Variants in NAP1L4 observed in about 807,000 individuals in gnomAD.
NAP1L4 encodes the protein nucleosome assembly protein 1-like 4.
In NAP1L4, 15 loss-of-function variants were observed where a neutral mutation model predicts 58.2. The ratio of observed to expected loss-of-function variants is 0.26; its 90% CI spans 0.17 to 0.40. The LOEUF is 0.40. Ranked by LOEUF, NAP1L4 falls within the 10% of genes least tolerant of loss-of-function variation. NAP1L4 has a pLI of 1.00. For missense variants in NAP1L4, 384 were observed against 451.1 expected, an observed-to-expected ratio of 0.85 and a Z score of 1.35; for synonymous variants, 171 against 155.6, an observed-to-expected ratio of 1.10 and a Z score of -0.74.
Position 2,980,333 on chromosome 11 carries a change from G to A in NAP1L4, c.-17-1096C>T, listed in dbSNP as rs571573094. ...CTCCTGAGTAGCTGGGACAACAGGC[G>A]CAGGCCACCATGCCCAGCTAATTTT... On this transcript the variant is annotated intron_variant, in intron 1 of 15. Transcript: ENST00000380542. Among the ~76,000 whole-genome samples, 7 of 152,216 alleles carry A rather than the reference G, an allele frequency of 4.6e-5. No homozygotes were observed. The South Asian group carries it at 8.3e-4, about 18-fold the overall frequency.
Position 2,951,166 on chromosome 11 carries a change from T to C in NAP1L4, c.1122+93A>G. ...CTTTCTAATTAGGGAATAATGAATA[T>C]TGTTAACACTACTGCCTCAAAGTGG... On this transcript the variant is annotated intron_variant, in intron 14 of 15. Transcript: ENST00000380542. The surrounding 1 kb of genome is among the most constrained non-coding windows in gnomAD (Gnocchi z 4.0). 2 of 941,906 alleles carry C rather than the reference T, an allele frequency of 2.1e-6. No homozygotes were observed. Among genetic ancestry groups the C allele is most frequent in the Non-Finnish European group, 1.7e-6 (1 of 591,380 alleles). 58.3% of individuals were successfully genotyped at this position (941,906 alleles called of 1,614,324 possible).
At chr11:2,977,866 TAAAAAA>T (rs34636304) in intron 3 of NAP1L4, among the ~76,000 whole-genome samples, 4 of 138,376 alleles carry the variant, frequency 2.9e-5, no homozygotes, top group Non-Finnish European at 6.2e-5. Flanking sequence ...GGTATAGACT[TAAAAAA>T]AAAAAAAAAA....
intron 4 of NAP1L4, among the ~76,000 whole-genome samples, chr11:2,974,106 T>G (rs1847812089): frequency 6.6e-6 from 1 of 152,226 alleles, no homozygotes; most frequent in Non-Finnish European, 1.5e-5. Context: ...TTTGAAGCTT[T>G]CCAACTGAAG....
intron 8 of NAP1L4, among the ~76,000 whole-genome samples, chr11:2,960,787 T>C (rs985841936): frequency 1.3e-5 from 2 of 152,218 alleles, no homozygotes; most frequent in African/African-American, 4.8e-5. Context: ...CCTGGATGGA[T>C]GCATCGATAT....
rs933260316 is a variant in NAP1L4 at position 2,949,084 on chromosome 11, T to C, written c.*32+143A>G. 8.0e-6 allele frequency: 5 copies of C among 625,530 alleles called. No individual in the cohort carries two copies. The highest frequency in any genetic ancestry group is 3.7e-5 in the African/African-American group (2 of 54,206). 38.7% of individuals were successfully genotyped at this position (625,530 alleles called of 1,614,324 possible). A position where few individuals can be genotyped will look rare whatever the true frequency, so the allele number is the denominator to read the frequency against. ...TTGGTTCGTTGATTTTAAAAGTACA[T>C]GTAACAGACACCTATGTCAAACCTG... On this transcript the variant is annotated intron_variant, in intron 15 of 15. Coordinates refer to ENST00000380542, the MANE Select transcript of NAP1L4 (RefSeq NM_005969.4). The surrounding 1 kb of genome is among the most constrained non-coding windows in gnomAD (Gnocchi z 4.0).
At position 2,955,974 on chromosome 11, in the gene NAP1L4, G is replaced by GC. The variant is rs561394451; in HGVS notation, c.893-209dup. On this transcript the variant is annotated intron_variant, in intron 10 of 15. Coordinates refer to ENST00000380542, the MANE Select transcript of NAP1L4 (RefSeq NM_005969.4). The surrounding 1 kb of genome is among the most constrained non-coding windows in gnomAD (Gnocchi z 4.2). ...CTGAAGCTGGCCTGAGTGCCTCTAT[G>GC]CCCCCCTCCCTTCTCCTCCTCCATC... Among the ~76,000 whole-genome samples the GC allele has an allele frequency of 1.6e-4, 25 of 151,972 alleles. No individual in the cohort carries two copies. In the South Asian group the frequency reaches 4.8e-3, roughly 29 times the overall value.
rs548878420 is a variant in NAP1L4, at chr11:2,944,598, C to G, written c.*1081G>C. The G allele has an allele frequency of 6.2e-4, 95 of 152,436 alleles. No individual in the cohort carries two copies. The highest frequency in any genetic ancestry group is 2.3e-3 in the African/African-American group (95 of 41,574). The allele number at this position is 152,436 out of a possible 1,614,324, so 9.4% of individuals were successfully genotyped here. On this transcript the variant is annotated 3_prime_UTR_variant, in exon 16 of 16. Transcript: ENST00000380542. ...GGCTGCCGGAGAGCGCCGTCACCCA[C>G]TTGAAAACCCCACCCACCAGCCGCC...
intron 12 of NAP1L4, among the ~76,000 whole-genome samples, chr11:2,953,137 G>C (rs1374464697): frequency 6.6e-6 from 1 of 152,200 alleles, no homozygotes; most frequent in East Asian, 1.9e-4. Context: ...AATCTGAGCT[G>C]GCACTTCTAG....
intron 2 of NAP1L4, 120 bp from the exon 3 acceptor site, chr11:2,978,462 G>C: frequency 1.1e-6 from 1 of 893,632 alleles, no homozygotes; most frequent in South Asian, 1.7e-5. Context: ...GTCAGATTTG[G>C]GCAGAAGAAA....
intron 7 of NAP1L4, among the ~76,000 whole-genome samples, chr11:2,968,988 G>GTT (rs61176259): frequency 1.6e-3 from 182 of 113,518 alleles, no homozygotes; most frequent in East Asian, 5.1e-3. Flanking sequence ...TTGTTGTGTT[G>GTT]TTTTTTTTTT....
At chr11:2,973,944 AT>A (rs1317192103) in intron 4 of NAP1L4, among the ~76,000 whole-genome samples, 3 of 151,950 alleles carry the variant, frequency 2.0e-5, no homozygotes, top group Non-Finnish European at 4.4e-5. Context: ...ATTTTTTTGC[AT>A]CCTGTAGAGT....
rs72850050 is a variant in NAP1L4 at position 2,971,124 on chromosome 11, A to G, written c.402+324T>C. ...AGGCACTCCCCTCACAACTCCCCCAATCTTCCAGTGACTGAGAACACAGGG... is the reference window on the plus strand; with the variant it reads ...AGGCACTCCCCTCACAACTCCCCCAGTCTTCCAGTGACTGAGAACACAGGG... On this transcript the variant is annotated intron_variant, in intron 6 of 15. Transcript: ENST00000380542. The surrounding 1 kb of genome is among the most constrained non-coding windows in gnomAD (Gnocchi z 4.2). 0.14 allele frequency among the ~76,000 whole-genome samples: 21,065 copies of G among 152,170 alleles called. 1,545 individuals carry two copies. Among genetic ancestry groups the G allele is most frequent in the Middle Eastern group, 0.17 (51 of 294 alleles).
chr11:2,978,182 A>T (rs560491096), intron 3 of NAP1L4, 102 bp downstream of exon 3: 2 of 1,095,268 alleles, frequency 1.8e-6, no homozygotes, highest in Non-Finnish European at 2.7e-6. Flanking sequence ...CTTTCCTAAA[A>T]CCACTGCAGT....
rs1564977127 is a variant in NAP1L4, at chr11:2,959,232, T to G, written c.746+538A>C. Among the ~76,000 whole-genome samples, 1 of 152,268 alleles carries G rather than the reference T, an allele frequency of 6.6e-6. No individual in the cohort carries two copies. The highest frequency in any genetic ancestry group is 1.5e-5 in the Non-Finnish European group (1 of 68,052). On this transcript the variant is annotated intron_variant, in intron 9 of 15. Transcript: ENST00000380542. This position sits in a 1 kb window ranked among gnomAD's most constrained non-coding sequence, Gnocchi z 4.9. ...TTTACTTCTGGTAAATAAACGTAAT[T>G]GTTTCAAGTCAAGACTAAAACCATT... is the stretch of plus-strand genomic sequence containing the variant.
rs553750735 is a variant in NAP1L4, at chr11:2,973,748, A to T, written c.174-1505T>A. On this transcript the variant is annotated intron_variant, in intron 4 of 15. Coordinates refer to ENST00000380542, the MANE Select transcript of NAP1L4 (RefSeq NM_005969.4). ...ATGGTAGACTCCCACTGCCATTTTT[A>T]CCCCTTTTCTGCACTGGTCATTCAT... 2.1e-3 allele frequency among the ~76,000 whole-genome samples: 317 copies of T among 152,318 alleles called. 1 individual carries two copies. The highest frequency in any genetic ancestry group is 7.2e-3 in the African/African-American group (298 of 41,570).
Position 2,954,452 on chromosome 11 carries a change from G to A in NAP1L4, c.1035+75C>T, listed in dbSNP as rs1846409064. 2 of 1,605,818 alleles carry A rather than the reference G, an allele frequency of 1.2e-6. No homozygotes were observed. Among genetic ancestry groups the A allele is most frequent in the African/African-American group, 2.7e-5 (2 of 74,756 alleles). On this transcript the variant is annotated intron_variant, in intron 12 of 15. Coordinates refer to ENST00000380542, the MANE Select transcript of NAP1L4 (RefSeq NM_005969.4). The surrounding 1 kb of genome is among the most constrained non-coding windows in gnomAD (Gnocchi z 4.8). ...AAGATTAGGCATGGGGGTTTCCTAAGCCACAATTCAGGGCCACTCTGCACC... is the reference window on the plus strand; with the variant it reads ...AAGATTAGGCATGGGGGTTTCCTAAACCACAATTCAGGGCCACTCTGCACC...
chr11:2,986,355 C>A (rs548400993), intron 1 of NAP1L4, among the ~76,000 whole-genome samples: 1 of 133,160 alleles, frequency 7.5e-6, no homozygotes, highest in Admixed American at 8.5e-5. Context: ...GTCTGGGCGA[C>A]AGAGCCAGAC....
chr11:2,964,193 A>G (rs1182526471), intron 8 of NAP1L4, among the ~76,000 whole-genome samples: 1 of 152,140 alleles, frequency 6.6e-6, no homozygotes. Context: ...ATGTGTACAT[A>G]GCTCCCATCT....
intron 1 of NAP1L4, chr11:2,991,101 A>G (rs1848936489): frequency 2.2e-6 from 1 of 456,472 alleles, no homozygotes; most frequent in Admixed American, 2.3e-5. Context: ...CCGAGAACAT[A>G]ATGAAATGGC....
Sources: gnomAD v4.1 joint callset for allele counts (sites outside exome capture counted in the v4.1 genomes callset) on GRCh38, gnomAD v4.1.1 for gene constraint, Gnocchi (gnomAD v3.1) non-coding constraint, MANE v1.5 for transcripts, NCBI Gene and HGNC (gene_info 2026-07-23, HGNC 2026-07-21) for gene names.